Variants in NRXN3 observed in about 807,000 individuals in gnomAD.
NRXN3 encodes neurexin III.
A neutral mutation model predicts 137.6 loss-of-function variants in NRXN3; 32 were observed. The ratio of observed to expected loss-of-function variants is 0.23; its 90% CI spans 0.18 to 0.31. The LOEUF (loss-of-function observed/expected upper bound fraction) is 0.31. Among genes scored for constraint, NRXN3 ranks in the 10% least tolerant of loss-of-function variants. The pLI is 1.00. For missense variants in NRXN3, 1,574 were observed against 2,062.5 expected, an observed-to-expected ratio of 0.76 and a Z score of 4.59; for synonymous variants, 798 against 784.5, an observed-to-expected ratio of 1.02 and a Z score of -0.29.
chr14:78,920,688 G>T (rs1192780389), intron 10 of NRXN3, among the ~76,000 whole-genome samples: 5 of 152,082 alleles, frequency 3.3e-5, no homozygotes. Context: ...ACAAATTGGG[G>T]GTTCTCATGA....
chr14:78,584,916 G>T (rs2097045962), intron 4 of NRXN3, among the ~76,000 whole-genome samples: 1 of 151,982 alleles, frequency 6.6e-6, no homozygotes, highest in African/African-American at 2.4e-5. Context: ...CTTGTTTTTG[G>T]TTTGTCTATT....
intron 15 of NRXN3, among the ~76,000 whole-genome samples, chr14:79,058,912 G>A (rs369743189): frequency 5.9e-5 from 9 of 152,270 alleles, no homozygotes; most frequent in Admixed American, 3.3e-4. Context: ...ACCTTACGCC[G>A]TGATTGTAAC....
At position 79,846,690 on chromosome 14, in the gene NRXN3, A is replaced by G. The variant is rs542124227; in HGVS notation, c.4094-14652A>G. On this transcript the variant is annotated intron_variant, in intron 20 of 20. Coordinates refer to ENST00000335750, the MANE Select transcript of NRXN3 (RefSeq NM_001330195.2). Reference sequence around the variant, plus strand: ...TCTCTATTCTTTGTGACCCTACTGTACCCTACGCAGATTTTTGTTGACTCA... The same window carrying G: ...TCTCTATTCTTTGTGACCCTACTGTGCCCTACGCAGATTTTTGTTGACTCA... 3.3e-5 allele frequency among the ~76,000 whole-genome samples: 5 copies of G among 152,260 alleles called. No homozygotes were observed. The South Asian group carries it at 1.0e-3, about 32-fold the overall frequency.
intron 15 of NRXN3, among the ~76,000 whole-genome samples, chr14:79,297,274 A>C (rs1356940535): frequency 6.6e-6 from 1 of 152,162 alleles, no homozygotes; most frequent in African/African-American, 2.4e-5. Flanking sequence ...AGTAGATTCC[A>C]CTGGGGTTAG....
At chr14:78,887,111 C>G (rs1395477540) in intron 10 of NRXN3, among the ~76,000 whole-genome samples, 1 of 152,090 alleles carries the variant, frequency 6.6e-6, no homozygotes, top group African/African-American at 2.4e-5. Flanking sequence ...ATTTATTTAG[C>G]ACTAACAACT....
chr14:78,977,111 C>T (rs924966205), intron 14 of NRXN3, among the ~76,000 whole-genome samples: 3 of 152,086 alleles, frequency 2.0e-5, no homozygotes, highest in African/African-American at 7.2e-5. Flanking sequence ...TTAATATCAC[C>T]AGCCCAAGGT....
rs200983641 is a variant in NRXN3 at position 79,488,737 on chromosome 14, CTT to C, written c.3444+21336_3444+21337del. ...TTAAAGAAAATTCATATCTAGGTGT[CTT>C]AAACTTCTCAGTAAAGAAAGTTTTA... On this transcript the variant is annotated intron_variant, in intron 16 of 20. Transcript: ENST00000335750. Among the ~76,000 whole-genome samples, 797 of 152,300 alleles carry C rather than the reference CTT, an allele frequency of 5.2e-3. 29 individuals carry two copies. The highest frequency in any genetic ancestry group is 0.045 in the Admixed American group (694 of 15,294).
chr14:78,627,104 TTCTC>T (rs68104206), intron 4 of NRXN3, among the ~76,000 whole-genome samples: 9,890 of 120,854 alleles, frequency 0.082, 362 homozygotes, highest in East Asian at 0.2. Context: ...CCTCCCTCCC[TTCTC>T]TCTCTCTCTC....
In NRXN3 at chr14:79,645,900, T is replaced by C. The variant is rs1388078715; in HGVS notation, c.3445-17878T>C. ...GTTTTGCTGGATTCCACTTTTGAAC[T>C]CATCAAATTCCTTGCTTTTCTTTTC... On this transcript the variant is annotated intron_variant, in intron 16 of 20. Transcript: ENST00000335750. Among the ~76,000 whole-genome samples the C allele has an allele frequency of 2.2e-5, 3 of 136,240 alleles. 1 individual carries two copies. The highest frequency in any genetic ancestry group is 3.4e-5 in the Non-Finnish European group (2 of 58,520). 89.4% of individuals were successfully genotyped at this position (136,240 alleles called of 152,430 possible). A position where few individuals can be genotyped will look rare whatever the true frequency, so the allele number is the denominator to read the frequency against.
At chr14:79,154,150 T>G (rs1185980801) in intron 15 of NRXN3, among the ~76,000 whole-genome samples, 2 of 152,010 alleles carry the variant, frequency 1.3e-5, no homozygotes, top group Non-Finnish European at 2.9e-5. Context: ...GGGGCCATTG[T>G]GTATTGAGCA....
At chr14:79,630,443 ATTTTGGAATCTTAACTGTTCTT>A (rs1233774177) in intron 16 of NRXN3, among the ~76,000 whole-genome samples, 16 of 152,348 alleles carry the variant, frequency 1.1e-4, no homozygotes, top group Admixed American at 2.0e-4. Flanking sequence ...GCCACGTTGG[ATTTTGGAATCTTAACTGTTCTT>A]GTCACTTTGG....
chr14:78,507,449 C>T (rs2096015035), intron 4 of NRXN3, among the ~76,000 whole-genome samples: 2 of 152,176 alleles, frequency 1.3e-5, no homozygotes, highest in Admixed American at 6.5e-5. Flanking sequence ...GGGCCAGGGC[C>T]ATGCCACTTT....
At chr14:78,673,949 G>A (rs984316443) in intron 6 of NRXN3, among the ~76,000 whole-genome samples, 5 of 152,170 alleles carry the variant, frequency 3.3e-5, no homozygotes, top group Admixed American at 1.3e-4. Flanking sequence ...GGAGTGGAAC[G>A]TAAGACAGCA....
chr14:78,314,346 A>G (rs968492211), intron 4 of NRXN3, among the ~76,000 whole-genome samples: 1 of 152,198 alleles, frequency 6.6e-6, no homozygotes, highest in African/African-American at 2.4e-5. Context: ...ACAGTGGCTT[A>G]ATGCTAACAA....
intron 15 of NRXN3, among the ~76,000 whole-genome samples, chr14:79,304,488 A>G (rs1239565932): frequency 6.6e-6 from 1 of 152,116 alleles, no homozygotes; most frequent in Non-Finnish European, 1.5e-5. Flanking sequence ...TGAATTGGGC[A>G]GCTCCAAACC....
intron 15 of NRXN3, among the ~76,000 whole-genome samples, chr14:79,104,519 C>T (rs571407858): frequency 2.3e-4 from 35 of 152,240 alleles, no homozygotes; most frequent in Middle Eastern, 3.4e-3. Context: ...TTCTTGACCT[C>T]TAAAAGGAAG....
At chr14:79,708,993 G>A (rs1038103605) in intron 19 of NRXN3, among the ~76,000 whole-genome samples, 2 of 152,084 alleles carry the variant, frequency 1.3e-5, no homozygotes, top group Non-Finnish European at 2.9e-5. Flanking sequence ...GAGAGAGAGA[G>A]AGAGAGACAG....
At chr14:79,152,709 A>G (rs2153037452) in intron 15 of NRXN3, among the ~76,000 whole-genome samples, 1 of 152,084 alleles carries the variant, frequency 6.6e-6, no homozygotes, top group Middle Eastern at 3.4e-3. Context: ...GTATGGGGGA[A>G]ATCACTCCCA....
At chr14:79,442,599 T>C (rs1397693146) in intron 15 of NRXN3, among the ~76,000 whole-genome samples, 2 of 152,146 alleles carry the variant, frequency 1.3e-5, no homozygotes, top group Non-Finnish European at 2.9e-5. Flanking sequence ...ACTCAGCAAA[T>C]ATTACAGATA....
Sources: gnomAD v4.1 joint callset for allele counts (sites outside exome capture counted in the v4.1 genomes callset) on GRCh38, gnomAD v4.1.1 for gene constraint, MANE v1.5 for transcripts, NCBI Gene and HGNC (gene_info 2026-07-23, HGNC 2026-07-21) for gene names.